Variants in IARS2 observed in about 807,000 individuals in gnomAD.
IARS2 encodes the protein isoleucyl-tRNA synthetase 2, mitochondrial, also known as isoleucine--tRNA ligase, mitochondrial.
In IARS2, 56 loss-of-function variants were observed where a neutral mutation model predicts 126.3. The ratio of observed to expected loss-of-function variants is 0.44; its 90% CI spans 0.36 to 0.55. IARS2 has a LOEUF of 0.55. IARS2 is among the 20% of genes least tolerant of loss of function. The pLI is 0.00. For missense variants in IARS2, 1,127 were observed against 1,245.9 expected, an observed-to-expected ratio of 0.90 and a Z score of 1.44; for synonymous variants, 407 against 441.1, an observed-to-expected ratio of 0.92 and a Z score of 0.97.
Position 220,094,422 on chromosome 1 carries a change from C to G in IARS2, c.206C>G (p.Thr69Arg), listed in dbSNP as rs994726763. 2 of 1,611,838 alleles carry G rather than the reference C, an allele frequency of 1.2e-6. No individual in the cohort carries two copies. Among genetic ancestry groups the G allele is most frequent in the Non-Finnish European group, 1.7e-6 (2 of 1,179,430 alleles). Residue 69 changes from threonine (T) to arginine (R), a missense_variant, in exon 1 of 23, where the codon ACG becomes AGG. Thr to Arg is a moderately conservative substitution (Grantham distance 71). Coordinates refer to ENST00000366922, the MANE Select transcript of IARS2 (RefSeq NM_018060.4). ...CGGGACACGGTGCTGCTGCCGCAGACGAGCTTCCCCATGAAGCTGCTGGGC... is the reference window on the plus strand; with the variant it reads ...CGGGACACGGTGCTGCTGCCGCAGAGGAGCTTCCCCATGAAGCTGCTGGGC... ...RYRDTVLLPQ[T>R]SFPMKLLGRQ... is the part of the protein sequence containing the mutation.
intron 14 of IARS2, among the ~76,000 whole-genome samples, 156 bp from the exon 15 acceptor site, chr1:220,134,246 G>C (rs1488009670): frequency 6.6e-6 from 1 of 151,982 alleles, no homozygotes; most frequent in Non-Finnish European, 1.5e-5. Context: ...GTGTAACTTT[G>C]GTCACTTTCT....
At chr1:220,122,482 A>G (rs184513130) in intron 12 of IARS2, among the ~76,000 whole-genome samples, 107 of 152,320 alleles carry the variant, frequency 7.0e-4, no homozygotes, top group Middle Eastern at 3.4e-3. Context: ...GTCTTTATAG[A>G]TGAGTTAGAG....
chr1:220,109,989 G>A lies in IARS2; in HGVS notation c.1328-797G>A, dbSNP rs552372310. Among the ~76,000 whole-genome samples, 5 of 152,292 alleles carry A rather than the reference G, an allele frequency of 3.3e-5. No individual in the cohort carries two copies. In the South Asian group the frequency reaches 1.0e-3, roughly 32 times the overall value. On this transcript the variant is annotated intron_variant, in intron 10 of 22. Coordinates refer to ENST00000366922, the MANE Select transcript of IARS2 (RefSeq NM_018060.4). ...GAGTCTGATTAAGATTTTACAGTCC[G>A]TGCTTTTTTTTGCCAGGAGAATCCC...
Position 220,103,437 on chromosome 1 carries a change from T to G in IARS2, c.951-10T>G, listed in dbSNP as rs1332565100. 1 of 1,450,616 alleles carries G rather than the reference T, an allele frequency of 6.9e-7. No individual in the cohort carries two copies. Among genetic ancestry groups the G allele is most frequent in the African/African-American group, 1.4e-5 (1 of 71,168 alleles). The allele number at this position is 1,450,616 out of a possible 1,614,324, so 89.9% of individuals were successfully genotyped here. A position where few individuals can be genotyped will look rare whatever the true frequency, so the allele number is the denominator to read the frequency against. On this transcript the variant is annotated splice_polypyrimidine_tract_variant and intron_variant, in intron 7 of 22. Coordinates refer to ENST00000366922, the MANE Select transcript of IARS2 (RefSeq NM_018060.4). ...CATTATTAGTAATTTCTCCTAAAATTTTATGTTAGGTATGCTGTTGTGAAA... is the reference window on the plus strand; with the variant it reads ...CATTATTAGTAATTTCTCCTAAAATGTTATGTTAGGTATGCTGTTGTGAAA...
chr1:220,111,472 A>C (rs1656797937), intron 11 of IARS2, among the ~76,000 whole-genome samples: 1 of 152,116 alleles, frequency 6.6e-6, no homozygotes, highest in Non-Finnish European at 1.5e-5. Flanking sequence ...AATATGAAAA[A>C]TATACAAAGT....
At position 220,120,335 on chromosome 1, in the gene IARS2, G is replaced by A. The variant is rs1384042802; in HGVS notation, c.1641-4902G>A. ...CACCTCAGGTGATCCGCCCGCCTCG[G>A]CCTCCCAGAGTGCTGGGATTATAGG... On this transcript the variant is annotated intron_variant, in intron 12 of 22. Transcript: ENST00000366922. Among the ~76,000 whole-genome samples, 4 of 150,140 alleles carry A rather than the reference G, an allele frequency of 2.7e-5. No individual in the cohort carries two copies. In the East Asian group the frequency reaches 7.8e-4, roughly 29 times the overall value.
chr1:220,142,595 GTTTATAAAAA>G (rs899312794), intron 20 of IARS2, among the ~76,000 whole-genome samples: 4 of 152,138 alleles, frequency 2.6e-5, no homozygotes, highest in Non-Finnish European at 5.9e-5. Flanking sequence ...ATTGTATTAA[GTTTATAAAAA>G]TTAGAAACTA....
At chr1:220,144,121 G>A in intron 21 of IARS2, 3 of 848,432 alleles carry the variant, frequency 3.5e-6, no homozygotes, top group Non-Finnish European at 6.1e-6. Flanking sequence ...ATCAAATCTG[G>A]GGCTGATGTC....
At chr1:220,096,698 G>C (rs1366964631) in intron 2 of IARS2, among the ~76,000 whole-genome samples, 3 of 152,122 alleles carry the variant, frequency 2.0e-5, no homozygotes, top group Non-Finnish European at 4.4e-5. Context: ...GAGGAAGTGG[G>C]CTTAGGCATC....
At chr1:220,112,327 G>T (rs1656822608) in intron 11 of IARS2, among the ~76,000 whole-genome samples, 1 of 115,604 alleles carries the variant, frequency 8.7e-6, no homozygotes, top group East Asian at 2.5e-4. Flanking sequence ...GTAGAGACGG[G>T]GTTTCACCTT....
intron 16 of IARS2, 31 bp downstream of exon 16, chr1:220,136,942 T>G (rs1657389444): frequency 3.6e-6 from 5 of 1,402,718 alleles, no homozygotes; most frequent in East Asian, 2.3e-5. Flanking sequence ...TATTTTATTT[T>G]CGTTTTAAGG....
At chr1:220,106,217 A>T (rs1046887279) in intron 9 of IARS2, among the ~76,000 whole-genome samples, 157 bp downstream of exon 9, 2 of 152,210 alleles carry the variant, frequency 1.3e-5, no homozygotes, top group Non-Finnish European at 2.9e-5. Context: ...ATTAATTCGT[A>T]CTAATTGAAA....
At chr1:220,113,478 T>G (rs181596660) in intron 11 of IARS2, among the ~76,000 whole-genome samples, 1 of 152,330 alleles carries the variant, frequency 6.6e-6, no homozygotes, top group Non-Finnish European at 1.5e-5. Flanking sequence ...TTGACCTTTT[T>G]GGAGACTATT....
chr1:220,108,725 G>C (rs1470953506), intron 10 of IARS2, among the ~76,000 whole-genome samples: 2 of 151,676 alleles, frequency 1.3e-5, no homozygotes, highest in African/African-American at 4.8e-5. Context: ...CACCATGTTG[G>C]CCAGGCTGGT....
chr1:220,129,458 G>A (rs902003694), intron 14 of IARS2, among the ~76,000 whole-genome samples: 9 of 152,098 alleles, frequency 5.9e-5, no homozygotes, highest in East Asian at 1.9e-4. Context: ...AATTTATCCC[G>A]TATATGTAAC....
intron 15 of IARS2, among the ~76,000 whole-genome samples, chr1:220,135,811 A>ATTT (rs1558130267): frequency 6.8e-6 from 1 of 147,972 alleles, no homozygotes. Context: ...TTTCATTTAA[A>ATTT]ATTTTTTTTT....
In IARS2 at chr1:220,139,057, C is replaced by G; in HGVS notation, c.2225C>G (p.Pro742Arg). 3 of 1,613,210 alleles carry G rather than the reference C, an allele frequency of 1.9e-6. 1 individual carries two copies. Among genetic ancestry groups the G allele is most frequent in the South Asian group, 2.2e-5 (2 of 91,050 alleles). Residue 742 changes from proline to arginine, a missense_variant, in exon 18 of 23, where the codon CCA becomes CGA. Coordinates refer to ENST00000366922, the MANE Select transcript of IARS2 (RefSeq NM_018060.4). ...TTGGGAAATGTGGCTGATTTCAACCCAGAAACAGATTCCATCCCTGTAAAC... is the reference window on the plus strand; with the variant it reads ...TTGGGAAATGTGGCTGATTTCAACCGAGAAACAGATTCCATCCCTGTAAAC... ...FLLGNVADFNPETDSIPVNDM... is the reference protein window; with the variant it reads ...FLLGNVADFNRETDSIPVNDM...
chr1:220,103,297 C>T, intron 7 of IARS2, 150 bp from the exon 8 acceptor site: 1 of 559,052 alleles, frequency 1.8e-6, no homozygotes, highest in Non-Finnish European at 3.2e-6. Context: ...ATCCACCTGC[C>T]TTGGCCTCCC....
chr1:220,135,560 A>G (rs1657355548), intron 15 of IARS2, among the ~76,000 whole-genome samples: 1 of 151,908 alleles, frequency 6.6e-6, no homozygotes, highest in Non-Finnish European at 1.5e-5. Context: ...GGATTTCACC[A>G]TGTTGGTGAG....
Sources: gnomAD v4.1 joint callset for allele counts (sites outside exome capture counted in the v4.1 genomes callset) on GRCh38, gnomAD v4.1.1 for gene constraint, MANE v1.5 for transcripts, NCBI Gene and HGNC (gene_info 2026-07-23, HGNC 2026-07-21) for gene names.